The following CSMD1 variants were observed in gnomAD, a reference collection of about 807,000 sequenced individuals.
The protein encoded by CSMD1 is CUB and Sushi multiple domains 1.
CSMD1 carries 213 observed loss-of-function variants against 417.5 expected under a neutral mutation model. That is an observed-to-expected ratio of 0.51 (90% CI 0.46 to 0.57). The LOEUF (loss-of-function observed/expected upper bound fraction) is 0.57, where lower values mean the gene tolerates loss of function less well. CSMD1 is among the 20% of genes least tolerant of loss of function. The probability of loss-of-function intolerance (pLI) is 0.00; values close to 1 mark genes in which losing one functional copy is unlikely to be tolerated. For missense variants in CSMD1, 6,923 were observed against 4,529.7 expected, an observed-to-expected ratio of 1.53 and a Z score of -15.17; for synonymous variants, 2,862 against 1,736.8, an observed-to-expected ratio of 1.65 and a Z score of -16.11.
chr8:3,618,644 C>T (rs1802263143), intron 7 of CSMD1, among the ~76,000 whole-genome samples: 1 of 151,966 alleles, frequency 6.6e-6, no homozygotes, highest in Admixed American at 6.6e-5. Flanking sequence ...ACCTGTATTT[C>T]CCTATGGAAA....
At chr8:3,653,646 C>A (rs57909294) in intron 7 of CSMD1, among the ~76,000 whole-genome samples, 1 of 152,052 alleles carries the variant, frequency 6.6e-6, no homozygotes, top group Non-Finnish European at 1.5e-5. Flanking sequence ...CTTTAGGCCA[C>A]GAAGCCTGAT....
At chr8:3,648,754 C>G (rs1797700659) in intron 7 of CSMD1, among the ~76,000 whole-genome samples, 1 of 152,162 alleles carries the variant, frequency 6.6e-6, no homozygotes, top group Non-Finnish European at 1.5e-5. Context: ...GCACCTGAGA[C>G]ATAAAGTAAG....
intron 12 of CSMD1, among the ~76,000 whole-genome samples, chr8:3,409,908 C>A (rs1303316456): frequency 1.3e-5 from 2 of 152,206 alleles, no homozygotes; most frequent in East Asian, 1.9e-4. Context: ...TACCTCCGAT[C>A]TTTTATCTGC....
chr8:3,661,604 C>G (rs762779408), intron 7 of CSMD1, among the ~76,000 whole-genome samples: 5 of 152,112 alleles, frequency 3.3e-5, no homozygotes, highest in Admixed American at 6.5e-5. Flanking sequence ...TCAAGTGATT[C>G]TCCCGCCTCA....
chr8:3,898,824 C>G (rs994959440), intron 5 of CSMD1, among the ~76,000 whole-genome samples: 22 of 152,140 alleles, frequency 1.4e-4, no homozygotes, highest in African/African-American at 5.1e-4. Context: ...AATAAATCAT[C>G]AATTATTTAT....
intron 1 of CSMD1, among the ~76,000 whole-genome samples, chr8:4,837,294 C>T (rs1585187664): frequency 1.3e-5 from 2 of 152,184 alleles, no homozygotes; most frequent in Non-Finnish European, 2.9e-5. Context: ...ATAATCTGCA[C>T]TTCTAGGTTT....
chr8:3,655,354 G>A (rs1469437019), intron 7 of CSMD1, among the ~76,000 whole-genome samples: 1 of 152,156 alleles, frequency 6.6e-6, no homozygotes, highest in East Asian at 1.9e-4. Flanking sequence ...CTTCCCTACA[G>A]CGAATTTGGC....
At chr8:3,825,284 C>G (rs538129179) in intron 5 of CSMD1, among the ~76,000 whole-genome samples, 1 of 152,270 alleles carries the variant, frequency 6.6e-6, no homozygotes, top group Admixed American at 6.5e-5. Flanking sequence ...AATCTCAGCA[C>G]TTTGGGAGAC....
chr8:3,692,348 C>G (rs573048001), intron 7 of CSMD1, among the ~76,000 whole-genome samples: 3 of 152,326 alleles, frequency 2.0e-5, no homozygotes, highest in African/African-American at 7.2e-5. Flanking sequence ...CTCAGAGAAA[C>G]AGACTCAGGA....
chr8:4,155,251 C>T (rs1585439261), intron 3 of CSMD1, among the ~76,000 whole-genome samples: 3 of 152,158 alleles, frequency 2.0e-5, no homozygotes, highest in Admixed American at 1.3e-4. Context: ...AAAGGGGCAG[C>T]AGAGAGGTGA....
intron 5 of CSMD1, among the ~76,000 whole-genome samples, chr8:3,867,406 G>C (rs985180536): frequency 6.6e-6 from 1 of 151,952 alleles, no homozygotes; most frequent in Non-Finnish European, 1.5e-5. Flanking sequence ...TTTCTTTTAA[G>C]GATACTTACT....
intron 3 of CSMD1, among the ~76,000 whole-genome samples, chr8:4,185,625 T>C (rs1798625841): frequency 6.6e-6 from 1 of 152,214 alleles, no homozygotes; most frequent in Admixed American, 6.5e-5. Context: ...GCACGTTATT[T>C]AAATAGCTAA....
At chr8:3,913,179 G>A (rs540927463) in intron 5 of CSMD1, among the ~76,000 whole-genome samples, 1 of 152,106 alleles carries the variant, frequency 6.6e-6, no homozygotes. Context: ...ATGTTGAGTT[G>A]AGAACCGAAT....
At chr8:4,010,533 T>C (rs1182422025) in intron 4 of CSMD1, among the ~76,000 whole-genome samples, 1 of 152,062 alleles carries the variant, frequency 6.6e-6, no homozygotes. Flanking sequence ...ATTCCCATCA[T>C]CACCCTCTAT....
In CSMD1 at chr8:3,157,890, T is replaced by A; in HGVS notation, c.5914+7A>T. 6.4e-7 allele frequency: 1 copy of A among 1,551,890 alleles called. No individual in the cohort carries two copies. Among genetic ancestry groups the A allele is most frequent in the Non-Finnish European group, 8.7e-7 (1 of 1,146,760 alleles). On this transcript the variant is annotated splice_region_variant and intron_variant, in intron 39 of 69. Transcript: ENST00000635120. Reference sequence around the variant, plus strand: ...CAGCAGCAGAGTTACAGAAGGTGCATCCTTACCAATGCACAGGGGAGACGG... The same window carrying A: ...CAGCAGCAGAGTTACAGAAGGTGCAACCTTACCAATGCACAGGGGAGACGG...
At chr8:4,045,175 G>C (rs750281594) in intron 3 of CSMD1, among the ~76,000 whole-genome samples, 1 of 152,106 alleles carries the variant, frequency 6.6e-6, no homozygotes. Context: ...CTGGGGTACC[G>C]GGTGCTGAGG....
intron 3 of CSMD1, among the ~76,000 whole-genome samples, chr8:4,148,394 G>A (rs531884160): frequency 2.0e-5 from 3 of 150,826 alleles, no homozygotes; most frequent in South Asian, 2.1e-4. Context: ...CGGAGGAATA[G>A]CATTAGGAGA....
intron 1 of CSMD1, among the ~76,000 whole-genome samples, chr8:4,970,250 T>C (rs1400417396): frequency 6.6e-6 from 1 of 152,116 alleles, no homozygotes; most frequent in Non-Finnish European, 1.5e-5. Flanking sequence ...GCTGAGTAAG[T>C]TGTGAGTCTC....
chr8:4,268,410 G>A (rs755394859), intron 3 of CSMD1, among the ~76,000 whole-genome samples: 1 of 152,138 alleles, frequency 6.6e-6, no homozygotes, highest in Non-Finnish European at 1.5e-5. Context: ...AATTATTGTA[G>A]CAGTGACCAA....
Sources: gnomAD v4.1 joint callset for allele counts (sites outside exome capture counted in the v4.1 genomes callset) on GRCh38, gnomAD v4.1.1 for gene constraint, MANE v1.5 for transcripts, NCBI Gene and HGNC (gene_info 2026-07-23, HGNC 2026-07-21) for gene names.